ZNF423: variants seen among roughly 807,000 people sequenced by gnomAD.
The protein encoded by ZNF423 is zinc finger protein 423.
A neutral mutation model predicts 95.8 loss-of-function variants in ZNF423; 12 were observed. That is an observed-to-expected ratio of 0.13 (90% CI 0.08 to 0.20). ZNF423 has a LOEUF of 0.20. Among genes scored for constraint, ZNF423 ranks in the 10% least tolerant of loss-of-function variants. The probability of loss-of-function intolerance (pLI) is 1.00; values close to 1 mark genes in which losing one functional copy is unlikely to be tolerated. For synonymous variants in ZNF423, 749 were observed against 711.9 expected, an observed-to-expected ratio of 1.05 and a Z score of -0.83; for missense variants, 1,316 against 1,737.1, an observed-to-expected ratio of 0.76 and a Z score of 4.31.
At chr16:49,658,856 C>T (rs565586091) in intron 3 of ZNF423, among the ~76,000 whole-genome samples, 2 of 152,218 alleles carry the variant, frequency 1.3e-5, no homozygotes, top group East Asian at 3.9e-4. Context: ...TTGGAACCCC[C>T]GCCCCAGCAC....
intron 5 of ZNF423, among the ~76,000 whole-genome samples, chr16:49,611,455 A>G (rs1971718992): frequency 6.6e-6 from 1 of 152,072 alleles, no homozygotes; most frequent in Admixed American, 6.5e-5. Flanking sequence ...CTGAACAAAA[A>G]AATAAACTAC....
intron 1 of ZNF423, among the ~76,000 whole-genome samples, chr16:49,806,993 C>T (rs112440311): frequency 0.01 from 1,500 of 149,682 alleles, 7 homozygotes; most frequent in Non-Finnish European, 0.015. Context: ...TGCCATTGCA[C>T]TCCAGCCTGG....
At position 49,490,858 on chromosome 16, in the gene ZNF423, T is replaced by C. The variant is rs1293863647; in HGVS notation, c.*417A>G. ...CCTAGAATTGCAATTAAAAAGTAGTTAACCGAAGGGGGTGGGGGGTGGGGG... is the reference window on the plus strand; with the variant it reads ...CCTAGAATTGCAATTAAAAAGTAGTCAACCGAAGGGGGTGGGGGGTGGGGG... On this transcript the variant is annotated 3_prime_UTR_variant, in exon 8 of 8. Coordinates refer to ENST00000563137, the MANE Select transcript of ZNF423 (RefSeq NM_001379286.1). 1.7e-5 allele frequency: 1 copy of C among 59,828 alleles called. No individual in the cohort carries two copies. The highest frequency in any genetic ancestry group is 2.7e-5 in the Non-Finnish European group (1 of 36,556). The allele number at this position is 59,828 out of a possible 1,614,324, so 3.7% of individuals were successfully genotyped here.
intron 3 of ZNF423, among the ~76,000 whole-genome samples, chr16:49,641,016 G>A (rs918029322): frequency 6.6e-6 from 1 of 152,224 alleles, no homozygotes; most frequent in African/African-American, 2.4e-5. Flanking sequence ...CCCCGCTCCA[G>A]GCCAGGCTGG....
intron 1 of ZNF423, among the ~76,000 whole-genome samples, chr16:49,807,890 T>TC (rs1245086104): frequency 6.6e-6 from 1 of 152,132 alleles, no homozygotes; most frequent in East Asian, 1.9e-4. Context: ...GGCAGGGACC[T>TC]CCCCAGACAA....
At chr16:49,717,069 G>A (rs2032729365) in intron 3 of ZNF423, among the ~76,000 whole-genome samples, 1 of 152,082 alleles carries the variant, frequency 6.6e-6, no homozygotes, top group Non-Finnish European at 1.5e-5. Flanking sequence ...TCATCTCCAG[G>A]CTTGCAAAGA....
At chr16:49,853,641 C>T (rs2035325911) in intron 1 of ZNF423, 1 of 985,314 alleles carries the variant, frequency 1.0e-6, no homozygotes, top group Non-Finnish European at 1.2e-6. Flanking sequence ...CTGTCTGCTA[C>T]ACATACACAC....
intron 2 of ZNF423, among the ~76,000 whole-genome samples, chr16:49,772,587 A>G (rs2034054506): frequency 6.6e-6 from 1 of 152,346 alleles, no homozygotes; most frequent in African/African-American, 2.4e-5. Flanking sequence ...AAGTTAGTCT[A>G]TGAGGCAAAT....
chr16:49,780,590 G>A (rs907049573), intron 2 of ZNF423: 1 of 152,214 alleles, frequency 6.6e-6, no homozygotes, highest in Admixed American at 6.5e-5. Flanking sequence ...ACCACCTGAC[G>A]ATTTCTGAGG....
chr16:49,504,898 T>C (rs1213811336), intron 7 of ZNF423, among the ~76,000 whole-genome samples: 2 of 152,112 alleles, frequency 1.3e-5, no homozygotes, highest in South Asian at 2.1e-4. Context: ...CTTTCCCCTA[T>C]GGAAAGGCCT....
chr16:49,742,548 C>A (rs1945868605), intron 2 of ZNF423, among the ~76,000 whole-genome samples: 1 of 152,126 alleles, frequency 6.6e-6, no homozygotes, highest in African/African-American at 2.4e-5. Flanking sequence ...CTGTTACCTC[C>A]TCGTGACCTC....
chr16:49,592,876 A>T (rs1971053235), intron 5 of ZNF423, among the ~76,000 whole-genome samples: 1 of 152,212 alleles, frequency 6.6e-6, no homozygotes. Flanking sequence ...CCAGATTCAC[A>T]GGCTCAACTT....
chr16:49,696,712 C>T (rs1028055935), intron 3 of ZNF423, among the ~76,000 whole-genome samples: 14 of 151,562 alleles, frequency 9.2e-5, no homozygotes, highest in South Asian at 4.2e-4. Context: ...AGAGTCCTGG[C>T]GGGGGACAGC....
rs547655810 is a variant in ZNF423 at position 49,681,958 on chromosome 16, T to C, written c.302-43084A>G. 1.3e-4 allele frequency among the ~76,000 whole-genome samples: 20 copies of C among 152,060 alleles called. No individual in the cohort carries two copies. In the South Asian group the frequency reaches 4.2e-3, roughly 32 times the overall value. ...ATGATTTTCAAATATCAGAATTCTT[T>C]CTGTACCTAACAAGCTCCCACCCCT... On this transcript the variant is annotated intron_variant, in intron 3 of 7. Coordinates refer to ENST00000563137, the MANE Select transcript of ZNF423 (RefSeq NM_001379286.1).
chr16:49,543,675 T>A (rs1279502247), intron 5 of ZNF423, among the ~76,000 whole-genome samples: 1 of 152,044 alleles, frequency 6.6e-6, no homozygotes, highest in Non-Finnish European at 1.5e-5. Flanking sequence ...CCCATCAGCT[T>A]CCCCGCCAAG....
intron 1 of ZNF423, among the ~76,000 whole-genome samples, chr16:49,838,852 T>C (rs1484929064): frequency 6.6e-6 from 1 of 151,384 alleles, no homozygotes; most frequent in South Asian, 2.1e-4. Flanking sequence ...GCCGCAGCCA[T>C]GGAGCCCTCC....
At chr16:49,768,227 CG>C (rs367784131) in intron 2 of ZNF423, among the ~76,000 whole-genome samples, 7 of 152,172 alleles carry the variant, frequency 4.6e-5, no homozygotes, top group African/African-American at 1.7e-4. Flanking sequence ...CGTCCCTGAG[CG>C]GGAGCCGGGA....
chr16:49,859,113 G>T (rs1029561337), upstream of ZNF423, among the ~76,000 whole-genome samples: 3 of 152,164 alleles, frequency 2.0e-5, no homozygotes, highest in African/African-American at 4.8e-5. Flanking sequence ...TGGGGAATGC[G>T]TGTGCGGGAC....
intron 1 of ZNF423, among the ~76,000 whole-genome samples, chr16:49,851,453 G>A (rs1194700515): frequency 6.6e-6 from 1 of 152,250 alleles, no homozygotes; most frequent in Non-Finnish European, 1.5e-5. Context: ...TAGCTTAAGA[G>A]TTGGCTACCG....
Sources: gnomAD v4.1 joint callset for allele counts (sites outside exome capture counted in the v4.1 genomes callset) on GRCh38, gnomAD v4.1.1 for gene constraint, MANE v1.5 for transcripts, NCBI Gene and HGNC (gene_info 2026-07-23, HGNC 2026-07-21) for gene names.